The following HRH3 variants were observed in gnomAD, a reference collection of about 807,000 sequenced individuals.
HRH3 encodes the protein histamine receptor H3.
In HRH3, 13 loss-of-function variants were observed where a neutral mutation model predicts 21.6. The observed-to-expected ratio is 0.60, with a 90% CI of 0.39 to 0.96. The LOEUF (loss-of-function observed/expected upper bound fraction) is 0.96, where lower values mean the gene tolerates loss of function less well. Ranked by LOEUF, HRH3 falls within the 40% of genes least tolerant of loss-of-function variation. HRH3 has a pLI of 0.00. For synonymous variants in HRH3, 276 were observed against 290.3 expected, an observed-to-expected ratio of 0.95 and a Z score of 0.50; for missense variants, 461 against 622.7, an observed-to-expected ratio of 0.74 and a Z score of 2.76.
At chr20:62,216,949 G>A (rs1254694667) in intron 2 of HRH3, 23 bp from the exon 3 acceptor site, 9 of 1,568,318 alleles carry the variant, frequency 5.7e-6, no homozygotes, top group Non-Finnish European at 7.8e-6. Flanking sequence ...AGGCTGGTCA[G>A]GGGCGGGGCG....
rs757991951 is a variant in HRH3 at position 62,218,492 on chromosome 20, G to A, written c.416C>T (p.Ala139Val). The stretch of plus-strand genomic sequence containing the variant: ...GGAGCTCCGCAGCCCAGGACTCACC[G>A]CTCGGGTGACCGACAGGAAGCGGTC... ...SYDRFLSVTR[A>V]VSYRAQQGDT... The change falls in exon 2 of 3, where the codon GCG (alanine) becomes GTG (valine). Residue 139 changes from alanine (A) to valine (V), a missense_variant and splice_region_variant. By Grantham distance (64) the Ala-to-Val change is moderately conservative. Around this residue, in one of 6 missense-constraint regions of HRH3, gnomAD observed 74 missense variants for 86.6 expected, o/e 0.85. Transcript: ENST00000340177. The surrounding 1 kb of genome is among the most constrained non-coding windows in gnomAD (Gnocchi z 5.6). The A allele has an allele frequency of 6.8e-6, 11 of 1,610,922 alleles. No individual in the cohort carries two copies. The highest frequency in any genetic ancestry group is 1.1e-5 in the South Asian group (1 of 90,946).
At chr20:62,217,840 G>A (rs569776189) in intron 2 of HRH3, among the ~76,000 whole-genome samples, 1 of 152,220 alleles carries the variant, frequency 6.6e-6, no homozygotes, top group Admixed American at 6.5e-5. Flanking sequence ...AGGGGGATGG[G>A]CTCAAGAGGA....
Position 62,219,672 on chromosome 20 carries a change from C to G in HRH3, c.250+49G>C, listed in dbSNP as rs2145890577. 6.5e-7 allele frequency: 1 copy of G among 1,548,186 alleles called. No individual in the cohort carries two copies. The highest frequency in any genetic ancestry group is 8.7e-7 in the Non-Finnish European group (1 of 1,148,078). On this transcript the variant is annotated intron_variant, in intron 1 of 2. Transcript: ENST00000340177. The surrounding 1 kb of genome is among the most constrained non-coding windows in gnomAD (Gnocchi z 8.7). ...CGTGTTCCAGTCCCCGCTGGCCCGG[C>G]CACGCTGGGCGCCCCTGGGTCCCCA...
In HRH3 at chr20:62,216,809, C is replaced by G; in HGVS notation, c.535G>C (p.Gly179Arg). 6.2e-7 allele frequency: 1 copy of G among 1,612,988 alleles called. No homozygotes were observed. The highest frequency in any genetic ancestry group is 2.2e-5 in the East Asian group (1 of 44,878). ...TGGCCCTCGGGGATGGAGCTGCCCC[C>G]GGACAGGTACTCCCAGCTCAGGATG... ...PAILSWEYLS[G>R]GSSIPEGHCY... Residue 179 changes from glycine to arginine, a missense_variant, in exon 3 of 3, where the codon GGG (glycine) becomes CGG (arginine). By Grantham distance (125) the Gly-to-Arg change is moderately radical (BLOSUM62 -2). Around this residue, in one of 6 missense-constraint regions of HRH3, gnomAD observed 74 missense variants for 86.6 expected, o/e 0.85. Transcript: ENST00000340177.
Position 62,218,630 on chromosome 20 carries a change from G to C in HRH3, c.278C>G (p.Pro93Arg). The C allele has an allele frequency of 6.2e-7, 1 of 1,612,156 alleles. No individual in the cohort carries two copies. The highest frequency in any genetic ancestry group is 8.5e-7 in the Non-Finnish European group (1 of 1,179,866). The change falls in exon 2 of 3, where the codon CCC becomes CGC. Residue 93 changes from proline to arginine, a missense_variant. Pro to Arg is a moderately radical substitution (Grantham distance 103, BLOSUM62 -2). This residue lies in a region of HRH3 where 102 missense variants were observed against 155.6 expected (regional missense o/e 0.66). Coordinates refer to ENST00000340177, the MANE Select transcript of HRH3 (RefSeq NM_007232.3). The surrounding 1 kb of genome is among the most constrained non-coding windows in gnomAD (Gnocchi z 5.6). ...GGTCCAGCGGCCTGTCAGCACGTAG[G>C]GTACATACAGTGGGATGCAGAAGGC... ...VGAFCIPLYV[P>R]YVLTGRWTFG...
chr20:62,217,843 C>G (rs1568806352), intron 2 of HRH3, among the ~76,000 whole-genome samples: 1 of 152,186 alleles, frequency 6.6e-6, no homozygotes, highest in African/African-American at 2.4e-5. Flanking sequence ...GGGATGGGCT[C>G]AAGAGGAACC....
In HRH3 at chr20:62,219,238, C is replaced by T. The variant is rs377281950; in HGVS notation, c.250+483G>A. Reference sequence around the variant, plus strand: ...CAGCCCCCTCCGCGTGCCCCGCCCCCCAGCCGGCAGCAGAGCCTGGACACG... The same window carrying T: ...CAGCCCCCTCCGCGTGCCCCGCCCCTCAGCCGGCAGCAGAGCCTGGACACG... On this transcript the variant is annotated intron_variant, in intron 1 of 2. Transcript: ENST00000340177. The surrounding 1 kb of genome is among the most constrained non-coding windows in gnomAD (Gnocchi z 8.7). 6.6e-6 allele frequency among the ~76,000 whole-genome samples: 1 copy of T among 151,468 alleles called. No homozygotes were observed. The highest frequency in any genetic ancestry group is 2.1e-4 in the South Asian group (1 of 4,758).
chr20:62,216,998 G>A, intron 2 of HRH3, 72 bp from the exon 3 acceptor site: 1 of 1,420,236 alleles, frequency 7.0e-7, no homozygotes, highest in Admixed American at 2.4e-5. Flanking sequence ...GTAGCCTGTG[G>A]GCCCCTATGT....
At position 62,215,600 on chromosome 20, in the gene HRH3, A is replaced by G; in HGVS notation, c.*406T>C. The G allele has an allele frequency of 2.5e-6, 1 of 394,480 alleles. No homozygotes were observed. Among genetic ancestry groups the G allele is most frequent in the Non-Finnish European group, 5.0e-6 (1 of 199,714 alleles). 24.4% of individuals were successfully genotyped at this position (394,480 alleles called of 1,614,324 possible). On this transcript the variant is annotated 3_prime_UTR_variant, in exon 3 of 3. Coordinates refer to ENST00000340177, the MANE Select transcript of HRH3 (RefSeq NM_007232.3). ...AGAGGGACGGTGTGCAGGTGTGTGC[A>G]GGGGTGTGCAGGTGTGTGCACGTGC...
chr20:62,218,103 C>T lies in HRH3; in HGVS notation c.417+388G>A, dbSNP rs941197487. 9.2e-5 allele frequency among the ~76,000 whole-genome samples: 14 copies of T among 152,218 alleles called. No individual in the cohort carries two copies. The East Asian group carries it at 1.5e-3, about 17-fold the overall frequency. ...GGAAATCTGCGGAGCCAGGATCTGC[C>T]GCCTGCCTTCCCGGGGCCTGTGTGT... is the stretch of plus-strand genomic sequence containing the variant. On this transcript the variant is annotated intron_variant, in intron 2 of 2. Transcript: ENST00000340177. The surrounding 1 kb of genome is among the most constrained non-coding windows in gnomAD (Gnocchi z 5.6).
In HRH3 at chr20:62,218,804, T is replaced by C. The variant is rs1978687596; in HGVS notation, c.251-147A>G. 2 of 739,672 alleles carry C rather than the reference T, an allele frequency of 2.7e-6. No homozygotes were observed. The highest frequency in any genetic ancestry group is 1.8e-5 in the South Asian group (1 of 54,866). The allele number at this position is 739,672 out of a possible 1,614,324, so 45.8% of individuals were successfully genotyped here. On this transcript the variant is annotated intron_variant, in intron 1 of 2. Transcript: ENST00000340177. This position sits in a 1 kb window ranked among gnomAD's most constrained non-coding sequence, Gnocchi z 5.6. ...CTCATCTTACCACCCCTCCACCTGG[T>C]GTCAGCCACAAACTCTGCCCTGCCG...
In HRH3 at chr20:62,216,480, C is replaced by T; in HGVS notation, c.864G>A (p.Glu288=). ...GEAAVGAEAG[E]ATLGGGGGGG... The stretch of plus-strand genomic sequence containing the variant: ...CCCCACCGCCACCCCCGAGGGTCGC[C>T]TCCCCGGCCTCAGCGCCTACGGCCG... Residue 288 remains glutamate, a synonymous_variant, in exon 3 of 3, where the codon GAG becomes GAA. Transcript: ENST00000340177. The T allele has an allele frequency of 1.9e-6, 3 of 1,560,626 alleles. No individual in the cohort carries two copies. The highest frequency in any genetic ancestry group is 2.6e-6 in the Non-Finnish European group (3 of 1,153,162).
At chr20:62,217,107 G>C (rs545212712) in intron 2 of HRH3, among the ~76,000 whole-genome samples, 181 bp from the exon 3 acceptor site, 1 of 150,752 alleles carries the variant, frequency 6.6e-6, no homozygotes, top group East Asian at 2.0e-4. Context: ...CTGGGGTCCC[G>C]GACTGGTGCC....
Position 62,215,865 on chromosome 20 carries a change from G to T in HRH3, c.*141C>A. On this transcript the variant is annotated 3_prime_UTR_variant, in exon 3 of 3. Coordinates refer to ENST00000340177, the MANE Select transcript of HRH3 (RefSeq NM_007232.3). ...AGGAAGGCGCCTCCATGGCAGGGTGGCTGCCGTGGCATTAAGAGAGGGCCA... is the reference window on the plus strand; with the variant it reads ...AGGAAGGCGCCTCCATGGCAGGGTGTCTGCCGTGGCATTAAGAGAGGGCCA... The T allele has an allele frequency of 2.4e-6, 2 of 820,006 alleles. No individual in the cohort carries two copies. The highest frequency in any genetic ancestry group is 3.7e-6 in the Non-Finnish European group (2 of 539,686). The allele number at this position is 820,006 out of a possible 1,614,324, so 50.8% of individuals were successfully genotyped here.
At position 62,219,904 on chromosome 20, in the gene HRH3, C is replaced by T. The variant is rs970225379; in HGVS notation, c.67G>A (p.Ala23Thr). Residue 23 changes from alanine (A) to threonine (T), a missense_variant, in exon 1 of 3, where the codon GCG becomes ACG. This residue lies in a region of HRH3 where 102 missense variants were observed against 155.6 expected (regional missense o/e 0.66). Coordinates refer to ENST00000340177, the MANE Select transcript of HRH3 (RefSeq NM_007232.3). This position sits in a 1 kb window ranked among gnomAD's most constrained non-coding sequence, Gnocchi z 8.7. ...GCCGAGAAGCCGCGCGCCCCGCCCG[C>T]CGCCGCCGCCTCGCCCGCCAGCGCC... ...SGALAGEAAA[A>T]GGARGFSAAW... 4.4e-6 allele frequency: 6 copies of T among 1,351,338 alleles called. No individual in the cohort carries two copies. In the Admixed American group the frequency reaches 2.3e-4, roughly 51 times the overall value. The allele number at this position is 1,351,338 out of a possible 1,614,324, so 83.7% of individuals were successfully genotyped here.
rs1414316812 is a variant in HRH3 at position 62,216,114 on chromosome 20, G to A, written c.1230C>T (p.Val410=). The change falls in exon 3 of 3, where the codon GTC becomes GTT. Residue 410 remains valine, a synonymous_variant. Coordinates refer to ENST00000340177, the MANE Select transcript of HRH3 (RefSeq NM_007232.3). ...AGCTGTGGTGGCACAGAGGGTAGAG[G>A]ACAGGGTTGACAGCCGAGTTGGCCC... ...LLWANSAVNP[V]LYPLCHHSFR... 1.2e-6 allele frequency: 2 copies of A among 1,612,902 alleles called. No individual in the cohort carries two copies. Among genetic ancestry groups the A allele is most frequent in the Non-Finnish European group, 8.5e-7 (1 of 1,179,872 alleles).
At position 62,218,346 on chromosome 20, in the gene HRH3, T is replaced by C. The variant is rs971611861; in HGVS notation, c.417+145A>G. On this transcript the variant is annotated intron_variant, in intron 2 of 2. Coordinates refer to ENST00000340177, the MANE Select transcript of HRH3 (RefSeq NM_007232.3). This position sits in a 1 kb window ranked among gnomAD's most constrained non-coding sequence, Gnocchi z 5.6. Reference sequence around the variant, plus strand: ...CCCGAGTGGGCAGCTGGCCGTCGAGTGGCCCATGTGTCAGCAGCAAAGCCA... The same window carrying C: ...CCCGAGTGGGCAGCTGGCCGTCGAGCGGCCCATGTGTCAGCAGCAAAGCCA... The C allele has an allele frequency of 3.3e-6, 3 of 913,342 alleles. No homozygotes were observed. Among genetic ancestry groups the C allele is most frequent in the Non-Finnish European group, 4.9e-6 (3 of 617,716 alleles). 56.6% of individuals were successfully genotyped at this position (913,342 alleles called of 1,614,324 possible).
chr20:62,216,036 G>A lies in HRH3; in HGVS notation c.1308C>T (p.Pro436=). The change falls in exon 3 of 3, where the codon CCC becomes CCT. Residue 436 remains proline, a synonymous_variant. Coordinates refer to ENST00000340177, the MANE Select transcript of HRH3 (RefSeq NM_007232.3). ...LLCPQKLKIQ[P]HSSLEHCWK is the part of the protein sequence containing the mutation. ...TCCAGCAGTGCTCCAGGGAGCTGTGGGGCTGGATTTTGAGCTTCTGGGGGC... is the reference window on the plus strand; with the variant it reads ...TCCAGCAGTGCTCCAGGGAGCTGTGAGGCTGGATTTTGAGCTTCTGGGGGC... The A allele has an allele frequency of 6.3e-7, 1 of 1,591,922 alleles. No homozygotes were observed. Among genetic ancestry groups the A allele is most frequent in the Non-Finnish European group, 8.5e-7 (1 of 1,169,942 alleles).
rs991373423 is a variant in HRH3 at position 62,218,104 on chromosome 20, G to A, written c.417+387C>T. Reference sequence around the variant, plus strand: ...GAAATCTGCGGAGCCAGGATCTGCCGCCTGCCTTCCCGGGGCCTGTGTGTG... The same window carrying A: ...GAAATCTGCGGAGCCAGGATCTGCCACCTGCCTTCCCGGGGCCTGTGTGTG... On this transcript the variant is annotated intron_variant, in intron 2 of 2. Transcript: ENST00000340177. The surrounding 1 kb of genome is among the most constrained non-coding windows in gnomAD (Gnocchi z 5.6). Among the ~76,000 whole-genome samples the A allele has an allele frequency of 3.3e-5, 5 of 152,200 alleles. No homozygotes were observed. The highest frequency in any genetic ancestry group is 5.9e-5 in the Non-Finnish European group (4 of 68,018).
Sources: allele counts gnomAD v4.1 joint callset (sites outside exome capture counted in the v4.1 genomes callset), GRCh38; gene constraint gnomAD v4.1.1; regional missense constraint gnomAD v4.1.1; non-coding constraint Gnocchi (gnomAD v3.1); transcripts MANE v1.5; gene names NCBI Gene and HGNC (gene_info 2026-07-23, HGNC 2026-07-21).